KSR1: variants seen among roughly 807,000 people sequenced by gnomAD.
KSR1 encodes kinase suppressor of ras 1.
A neutral mutation model predicts 92.9 loss-of-function variants in KSR1; 35 were observed. The ratio of observed to expected loss-of-function variants is 0.38; its 90% CI spans 0.29 to 0.50. The LOEUF (loss-of-function observed/expected upper bound fraction) is 0.50, where lower values mean the gene tolerates loss of function less well. Ranked by LOEUF, KSR1 falls within the 20% of genes least tolerant of loss-of-function variation. KSR1 has a pLI of 0.94. For synonymous variants in KSR1, 467 were observed against 472.6 expected, an observed-to-expected ratio of 0.99 and a Z score of 0.15; for missense variants, 972 against 1,158.5, an observed-to-expected ratio of 0.84 and a Z score of 2.34.
In KSR1 at chr17:27,606,264, G is replaced by A. The variant is rs2073748963; in HGVS notation, c.1994+451G>A. Reference sequence around the variant, plus strand: ...ACTGCACTCCAGCCTGGGTGACAGAGTGAGACCTTTCTAAGTTTACAGAAG... The same window carrying A: ...ACTGCACTCCAGCCTGGGTGACAGAATGAGACCTTTCTAAGTTTACAGAAG... On this transcript the variant is annotated intron_variant, in intron 14 of 20. Coordinates refer to ENST00000644974, the MANE Select transcript of KSR1 (RefSeq NM_001394583.1). Among the ~76,000 whole-genome samples, 3 of 152,194 alleles carry A rather than the reference G, an allele frequency of 2.0e-5. No homozygotes were observed. The South Asian group carries it at 6.2e-4, about 32-fold the overall frequency.
rs977913185 is a variant in KSR1, at chr17:27,577,186, G to GT, written c.373-298dup. Reference sequence around the variant, plus strand: ...TTCTAAAAAGTTGTTATGACTCGCTGTTTTTTTTCTGTGCAGAGGAGTAAG... The same window carrying GT: ...TTCTAAAAAGTTGTTATGACTCGCTGTTTTTTTTTCTGTGCAGAGGAGTAAG... On this transcript the variant is annotated intron_variant, in intron 2 of 20. Coordinates refer to ENST00000644974, the MANE Select transcript of KSR1 (RefSeq NM_001394583.1). The surrounding 1 kb of genome is among the most constrained non-coding windows in gnomAD (Gnocchi z 4.5). 1.3e-5 allele frequency among the ~76,000 whole-genome samples: 2 copies of GT among 151,988 alleles called. No homozygotes were observed. Among genetic ancestry groups the GT allele is most frequent in the East Asian group, 1.9e-4 (1 of 5,206 alleles).
At chr17:27,535,158 G>T (rs957699610) in intron 1 of KSR1, among the ~76,000 whole-genome samples, 7 of 152,240 alleles carry the variant, frequency 4.6e-5, no homozygotes, top group Admixed American at 4.6e-4. Context: ...TGGGAGTTGG[G>T]GTGGGCAGTG....
At chr17:27,518,099 C>A (rs2069872881) in intron 1 of KSR1, among the ~76,000 whole-genome samples, 1 of 152,190 alleles carries the variant, frequency 6.6e-6, no homozygotes, top group African/African-American at 2.4e-5. Context: ...AAAACCAATT[C>A]ATGCAGTAGG....
At chr17:27,619,517 C>T (rs2074157949) in intron 19 of KSR1, among the ~76,000 whole-genome samples, 1 of 151,348 alleles carries the variant, frequency 6.6e-6, no homozygotes, top group Non-Finnish European at 1.5e-5. Flanking sequence ...CCTGCCTCAG[C>T]CTTCTGAGTA....
chr17:27,492,122 TGGGAGGA>T (rs897662019), intron 1 of KSR1, among the ~76,000 whole-genome samples: 1 of 151,110 alleles, frequency 6.6e-6, no homozygotes, highest in Non-Finnish European at 1.5e-5. Context: ...CGTTGGGAGG[TGGGAGGA>T]GGGAGGAGAC....
At chr17:27,598,287 C>T (rs543869669) in intron 10 of KSR1, among the ~76,000 whole-genome samples, 48 of 152,328 alleles carry the variant, frequency 3.2e-4, no homozygotes, top group Middle Eastern at 6.8e-3. Context: ...GACCCAGCCA[C>T]AGGCCGTCTC....
At chr17:27,473,863 A>T (rs2068259741) in intron 1 of KSR1, among the ~76,000 whole-genome samples, 1 of 152,130 alleles carries the variant, frequency 6.6e-6, no homozygotes. Flanking sequence ...GTGGCTTATG[A>T]GGAGAGGTGA....
At chr17:27,500,112 T>C (rs968335666) in intron 1 of KSR1, among the ~76,000 whole-genome samples, 1 of 152,178 alleles carries the variant, frequency 6.6e-6, no homozygotes, top group Admixed American at 6.5e-5. Flanking sequence ...GAGACCCAGG[T>C]CTGGGGGAGC....
In KSR1 at chr17:27,603,910, C is replaced by A. The variant is rs750125134; in HGVS notation, c.1565+22C>A. On this transcript the variant is annotated intron_variant, in intron 12 of 20. Transcript: ENST00000644974. ...CCCGGTAGGCATCCCTAGGTGGTGT[C>A]CCCTTCGCTTCTTTGGGGAATTATT... 9.9e-6 allele frequency: 16 copies of A among 1,612,556 alleles called. No homozygotes were observed. The African/African-American group carries it at 1.6e-4, about 16-fold the overall frequency.
At position 27,459,752 on chromosome 17, in the gene KSR1, C is replaced by T. The variant is rs952618148; in HGVS notation, c.231+2878C>T. ...TAAACACTCAGTGGGAGAAGCAGCA[C>T]GTGAAATGTCCGTGGAGGTCCCTGA... is the stretch of plus-strand genomic sequence containing the variant. On this transcript the variant is annotated intron_variant, in intron 1 of 20. Transcript: ENST00000644974. This position sits in a 1 kb window ranked among gnomAD's most constrained non-coding sequence, Gnocchi z 4.6. Among the ~76,000 whole-genome samples, 6 of 152,222 alleles carry T rather than the reference C, an allele frequency of 3.9e-5. No individual in the cohort carries two copies. Among genetic ancestry groups the T allele is most frequent in the Non-Finnish European group, 8.8e-5 (6 of 68,044 alleles).
chr17:27,485,104 TG>T (rs1266688189), intron 1 of KSR1, among the ~76,000 whole-genome samples: 1 of 152,174 alleles, frequency 6.6e-6, no homozygotes, highest in Admixed American at 6.5e-5. Context: ...CTGGCAACAC[TG>T]CCCCTGCCTA....
intron 9 of KSR1, among the ~76,000 whole-genome samples, chr17:27,595,057 C>A (rs1181579210): frequency 6.6e-6 from 1 of 152,230 alleles, no homozygotes; most frequent in Non-Finnish European, 1.5e-5. Context: ...ATGATGTCAA[C>A]TATCCCTGGC....
chr17:27,616,519 A>G (rs886923943), intron 18 of KSR1, among the ~76,000 whole-genome samples: 1 of 152,132 alleles, frequency 6.6e-6, no homozygotes, highest in African/African-American at 2.4e-5. Flanking sequence ...TGTACACCCC[A>G]TATCCTCCAG....
chr17:27,607,775 G>A, intron 14 of KSR1, 139 bp from the exon 15 acceptor site: 1 of 657,024 alleles, frequency 1.5e-6, no homozygotes, highest in South Asian at 1.8e-5. Context: ...CTGGGTTAAA[G>A]AAGATTTGGC....
intron 12 of KSR1, 67 bp from the exon 13 acceptor site, chr17:27,604,613 G>A (rs2073685511): frequency 6.7e-7 from 1 of 1,486,356 alleles, no homozygotes; most frequent in Non-Finnish European, 9.4e-7. Flanking sequence ...TCTCCCGGGA[G>A]TCCCCGCTAG....
chr17:27,592,727 AC>A, intron 9 of KSR1, 101 bp downstream of exon 9: 2 of 916,752 alleles, frequency 2.2e-6, no homozygotes, highest in Non-Finnish European at 3.3e-6. Context: ...TTGGCATGAC[AC>A]CACCGTCTCA....
chr17:27,458,574 C>G (rs2019289578), intron 1 of KSR1, among the ~76,000 whole-genome samples: 1 of 152,120 alleles, frequency 6.6e-6, no homozygotes, highest in Admixed American at 6.5e-5. Context: ...TTCATGACAC[C>G]CCAGAGCATC....
chr17:27,557,473 A>G (rs1475637131), intron 2 of KSR1, among the ~76,000 whole-genome samples: 4 of 152,184 alleles, frequency 2.6e-5, no homozygotes, highest in Admixed American at 2.6e-4. Context: ...CCTGCCTCCC[A>G]GAACCACTGT....
chr17:27,586,152 A>G (rs2072959061), intron 5 of KSR1, among the ~76,000 whole-genome samples: 1 of 152,186 alleles, frequency 6.6e-6, no homozygotes, highest in African/African-American at 2.4e-5. Context: ...TGAGGCCCCA[A>G]AAGATGGGAG....
Sources: gnomAD v4.1 joint callset for allele counts (sites outside exome capture counted in the v4.1 genomes callset) on GRCh38, gnomAD v4.1.1 for gene constraint, Gnocchi (gnomAD v3.1) non-coding constraint, MANE v1.5 for transcripts, NCBI Gene and HGNC (gene_info 2026-07-23, HGNC 2026-07-21) for gene names.